Variants in IL4I1 observed in about 807,000 individuals in gnomAD.
The protein encoded by IL4I1 is interleukin 4 induced 1, also known as L-amino-acid oxidase.
IL4I1 carries 24 observed loss-of-function variants against 29.7 expected under a neutral mutation model. The observed-to-expected ratio is 0.81, with a 90% confidence interval of 0.59 to 1.14. The LOEUF (loss-of-function observed/expected upper bound fraction) is 1.14, where lower values mean the gene tolerates loss of function less well. Among genes scored for constraint, IL4I1 ranks in the 50% most tolerant of loss-of-function variants. The pLI is 0.00. For synonymous variants in IL4I1, 371 were observed against 352.5 expected (o/e 1.05, Z -0.59); for missense variants, 686 against 785.6 (o/e 0.87, Z 1.52).
At chr19:49,926,638 C>A (rs1458536733) in intron 2 of IL4I1, among the ~76,000 whole-genome samples, 2 of 152,178 alleles carry the variant, frequency 1.3e-5, no homozygotes, top group African/African-American at 4.8e-5. Flanking sequence ...CACGTCTGTG[C>A]GTCCTTACCA....
chr19:49,903,325 T>G (rs1056442541), intron 3 of IL4I1, among the ~76,000 whole-genome samples: 1 of 152,134 alleles, frequency 6.6e-6, no homozygotes, highest in African/African-American at 2.4e-5. Context: ...CGGGAAACCT[T>G]TGGCGTCTGA....
At chr19:49,917,166 A>G (rs1294262032) in intron 2 of IL4I1, among the ~76,000 whole-genome samples, 1 of 152,202 alleles carries the variant, frequency 6.6e-6, no homozygotes, top group Non-Finnish European at 1.5e-5. Context: ...AGTGGAGAGG[A>G]GAGAAACAAG....
chr19:49,907,824 C>G, intron 2 of IL4I1: 2 of 333,252 alleles, frequency 6.0e-6, no homozygotes, highest in South Asian at 4.9e-5. Context: ...GGGTGAGCCA[C>G]TGCGCCCTGA....
intron 5 of IL4I1, among the ~76,000 whole-genome samples, chr19:49,893,434 G>A (rs1304827031): frequency 4.6e-5 from 7 of 152,004 alleles, no homozygotes; most frequent in East Asian, 1.9e-4. Context: ...GGGTCTGCCC[G>A]TGACTGCGGG....
At chr19:49,916,354 ATTTT>A (rs1182733064) in intron 2 of IL4I1, among the ~76,000 whole-genome samples, 2 of 131,972 alleles carry the variant, frequency 1.5e-5, no homozygotes, top group Non-Finnish European at 1.7e-5. Flanking sequence ...TATCTTTTGT[ATTTT>A]TTTTTTTTTT....
chr19:49,927,078 C>A (rs1023303050), intron 2 of IL4I1, among the ~76,000 whole-genome samples: 1 of 152,044 alleles, frequency 6.6e-6, no homozygotes, highest in Non-Finnish European at 1.5e-5. Flanking sequence ...CCAGGCTGGT[C>A]TCGAATTCCT....
intron 1 of IL4I1, among the ~76,000 whole-genome samples, chr19:49,896,529 G>A (rs2075213628): frequency 6.6e-6 from 1 of 151,928 alleles, no homozygotes; most frequent in South Asian, 2.1e-4. Context: ...CCGCCTCCCA[G>A]GTTCAAGAAT....
At chr19:49,915,896 C>T (rs1568712251) in intron 2 of IL4I1, among the ~76,000 whole-genome samples, 1 of 152,200 alleles carries the variant, frequency 6.6e-6, no homozygotes, top group Non-Finnish European at 1.5e-5. Flanking sequence ...AGGTTGCCTC[C>T]GAACACAGAG....
At position 49,889,994 on chromosome 19, in the gene IL4I1, C is replaced by A; in HGVS notation, c.1380G>T (p.Ala460=). ...AGTCATCCTTTTCGGTTTGCCAGAG[C>A]GCCGGCGGCTGTACCACAAAGCCAC... ...SQGGFVVQPP[A]LWQTEKDDWT... Residue 460 remains alanine, a synonymous_variant, in exon 8 of 8, where the codon GCG becomes GCT. Transcript: ENST00000391826. 6.4e-7 allele frequency: 1 copy of A among 1,559,330 alleles called. No individual in the cohort carries two copies.
upstream of IL4I1, among the ~76,000 whole-genome samples, chr19:49,899,204 C>A (rs2075248803): frequency 6.6e-6 from 1 of 152,242 alleles, no homozygotes; most frequent in Non-Finnish European, 1.5e-5. Context: ...TGGAAACAAC[C>A]ATGGAAAGGT....
chr19:49,926,488 C>T (rs1465357307), intron 2 of IL4I1, among the ~76,000 whole-genome samples: 1 of 152,116 alleles, frequency 6.6e-6, no homozygotes, highest in Non-Finnish European at 1.5e-5. Flanking sequence ...CAAGATCATG[C>T]CACTGCACTC....
chr19:49,919,453 T>G (rs2075711298), intron 2 of IL4I1, among the ~76,000 whole-genome samples: 1 of 152,030 alleles, frequency 6.6e-6, no homozygotes, highest in Non-Finnish European at 1.5e-5. Context: ...CTCACCCGGG[T>G]AGATGAGGAA....
At chr19:49,922,280 C>T (rs1187000874) in intron 2 of IL4I1, among the ~76,000 whole-genome samples, 6 of 152,146 alleles carry the variant, frequency 3.9e-5, no homozygotes, top group African/African-American at 1.4e-4. Context: ...GTCTTCCTGC[C>T]GCAATGAGCA....
chr19:49,896,921 T>A, upstream of IL4I1: 1 of 981,674 alleles, frequency 1.0e-6, no homozygotes. Flanking sequence ...CCCCTTAAAC[T>A]GGCAGAGCCC....
upstream of IL4I1, among the ~76,000 whole-genome samples, chr19:49,897,422 G>T (rs1011465972): frequency 2.0e-5 from 3 of 152,090 alleles, no homozygotes; most frequent in African/African-American, 7.2e-5. Context: ...GGGTCAGGAC[G>T]TGGGCTCTGA....
chr19:49,908,685 G>A lies in IL4I1; in HGVS notation c.-227-4364C>T, dbSNP rs758216173. ...TTCACCTTCTCCACCTCGCGGTGCA[G>A]GCTGGTGATCTTTTCTCCATTCTCG... On this transcript the variant is annotated intron_variant, in intron 2 of 9. Transcript: ENST00000341114. 3 of 1,612,148 alleles carry A rather than the reference G, an allele frequency of 1.9e-6. No homozygotes were observed. The South Asian group carries it at 3.3e-5, about 18-fold the overall frequency.
chr19:49,923,876 G>A lies in IL4I1; in HGVS notation c.-228+3818C>T, dbSNP rs150628088. Among the ~76,000 whole-genome samples the A allele has an allele frequency of 2.1e-4, 32 of 152,350 alleles. No homozygotes were observed. The East Asian group carries it at 5.2e-3, about 25-fold the overall frequency. On this transcript the variant is annotated intron_variant, in intron 2 of 9. Transcript: ENST00000341114. The stretch of plus-strand genomic sequence containing the variant: ...ACCCACGCTGCGGAAGGCAGCCGAG[G>A]CTCGGCAGATGAGGGCCCTGCCTGC...
At chr19:49,923,819 C>G (rs749149487) in intron 2 of IL4I1, among the ~76,000 whole-genome samples, 10 of 152,230 alleles carry the variant, frequency 6.6e-5, no homozygotes, top group Non-Finnish European at 1.5e-4. Flanking sequence ...GGGGTGTGAA[C>G]CCAGCAGGCT....
At chr19:49,892,122 C>T (rs1200304031) in intron 5 of IL4I1, among the ~76,000 whole-genome samples, 3 of 139,022 alleles carry the variant, frequency 2.2e-5, no homozygotes, top group Non-Finnish European at 4.5e-5. Flanking sequence ...CGCTCTGTTG[C>T]CCAGGCTGGA....
Sources: allele counts gnomAD v4.1 joint callset (sites outside exome capture counted in the v4.1 genomes callset), GRCh38; gene constraint gnomAD v4.1.1; transcripts MANE v1.5; gene names NCBI Gene and HGNC (gene_info 2026-07-23, HGNC 2026-07-21).